The following TRABD2A variants were observed in gnomAD, a reference collection of about 807,000 sequenced individuals.
TRABD2A encodes TraB domain containing 2A, also known as metalloprotease TIKI1.
Under a neutral mutation model 45.6 loss-of-function variants are expected in TRABD2A, and 43 were observed. That is an observed-to-expected ratio of 0.94 (90% CI 0.74 to 1.22). TRABD2A has a LOEUF of 1.22. Among genes scored for constraint, TRABD2A ranks in the 50% most tolerant of loss-of-function variants. TRABD2A has a pLI of 0.00. For missense variants in TRABD2A, 642 were observed against 652.4 expected, an observed-to-expected ratio of 0.98 and a Z score of 0.17; for synonymous variants, 269 against 265.0, an observed-to-expected ratio of 1.02 and a Z score of -0.15.
intron 2 of TRABD2A, among the ~76,000 whole-genome samples, chr2:84,853,280 T>C (rs925996011): frequency 9.3e-5 from 14 of 150,382 alleles, no homozygotes; most frequent in Non-Finnish European, 1.8e-4. Context: ...CAAGACTGGG[T>C]AATTTATAAA....
At chr2:84,853,765 A>C (rs1269875464) in intron 2 of TRABD2A, among the ~76,000 whole-genome samples, 4 of 152,248 alleles carry the variant, frequency 2.6e-5, no homozygotes, top group Non-Finnish European at 5.9e-5. Flanking sequence ...GCAGTGGCTT[A>C]CGCCTATAAT....
chr2:84,856,069 G>A (rs1271011553), intron 2 of TRABD2A, among the ~76,000 whole-genome samples: 1 of 152,188 alleles, frequency 6.6e-6, no homozygotes, highest in Admixed American at 6.5e-5. Context: ...TCACCTTCTG[G>A]AGTGTGGAGT....
At chr2:84,823,278 C>T (rs1237853396) in intron 6 of TRABD2A, among the ~76,000 whole-genome samples, 1 of 152,162 alleles carries the variant, frequency 6.6e-6, no homozygotes, top group African/African-American at 2.4e-5. Flanking sequence ...TGCAGATTAT[C>T]TATTCAAAAA....
Position 84,832,109 on chromosome 2 carries a change from A to G in TRABD2A, c.1028T>C (p.Leu343Ser), listed in dbSNP as rs1017937797. 1.9e-6 allele frequency: 3 copies of G among 1,613,890 alleles called. No homozygotes were observed. The African/African-American group carries it at 4.0e-5, about 22-fold the overall frequency. The change falls in exon 5 of 7, where the codon TTG becomes TCG. Residue 343 changes from leucine (L) to serine (S), a missense_variant. Physicochemically the swap from Leu to Ser is moderately radical, Grantham distance 145. Coordinates refer to ENST00000409520, the MANE Select transcript of TRABD2A (RefSeq NM_001277053.2). Reference protein sequence around the residue: ...FMGNNTVLDVLRREGYEVEHA... With the variant: ...FMGNNTVLDVSRREGYEVEHA... The stretch of plus-strand genomic sequence containing the variant: ...TTCTACCTCATAGCCTTCACGCCGC[A>G]AAACATCCAGCACTGTGTTGTTGCC...
Position 84,864,194 on chromosome 2 carries a change from T to C in TRABD2A, c.669+6031A>G, listed in dbSNP as rs1452029315. 2.0e-5 allele frequency among the ~76,000 whole-genome samples: 3 copies of C among 152,268 alleles called. No individual in the cohort carries two copies. In the East Asian group the frequency reaches 5.8e-4, roughly 29 times the overall value. ...CCGAGCTAAGGAATCCAGAGATTCA[T>C]TCCTTGTCTATAAGGAACATGTGAA... On this transcript the variant is annotated intron_variant, in intron 2 of 6. Transcript: ENST00000409520.
At chr2:84,848,675 A>G (rs1283165892) in intron 2 of TRABD2A, among the ~76,000 whole-genome samples, 7 of 151,778 alleles carry the variant, frequency 4.6e-5, no homozygotes, top group African/African-American at 1.7e-4. Context: ...TCCCAGATTC[A>G]AGCGATTCTT....
chr2:84,872,938 A>G (rs779168529), intron 1 of TRABD2A, among the ~76,000 whole-genome samples: 2 of 151,328 alleles, frequency 1.3e-5, no homozygotes, highest in Non-Finnish European at 2.9e-5. Context: ...AACATGGTGA[A>G]ACCGTGTCTC....
intron 2 of TRABD2A, among the ~76,000 whole-genome samples, chr2:84,845,518 G>A (rs1681857785): frequency 6.6e-6 from 1 of 151,690 alleles, no homozygotes; most frequent in Admixed American, 6.6e-5. Flanking sequence ...CTGGCCCTGT[G>A]GTCCTCAAGG....
In TRABD2A at chr2:84,821,880, C is replaced by CCGAGGGGT; in HGVS notation, c.*29_*36dup. ...GTACAGGAATGGCCATTCTTCAAGT[C>CCGAGGGGT]CGAGGGGTCAGGTTCTTAGCCTGGT... On this transcript the variant is annotated 3_prime_UTR_variant, in exon 7 of 7. Transcript: ENST00000409520. 1 of 1,512,962 alleles carries CCGAGGGGT rather than the reference C, an allele frequency of 6.6e-7. No individual in the cohort carries two copies. Among genetic ancestry groups the CCGAGGGGT allele is most frequent in the South Asian group, 1.4e-5 (1 of 73,776 alleles). 93.7% of individuals were successfully genotyped at this position (1,512,962 alleles called of 1,614,324 possible).
intron 2 of TRABD2A, among the ~76,000 whole-genome samples, chr2:84,855,116 CAA>C (rs1682230805): frequency 6.6e-6 from 1 of 152,108 alleles, no homozygotes; most frequent in Non-Finnish European, 1.5e-5. Context: ...GCTTTACATT[CAA>C]AGAGTACATC....
chr2:84,847,644 C>T (rs1681942476), intron 2 of TRABD2A, among the ~76,000 whole-genome samples: 1 of 152,182 alleles, frequency 6.6e-6, no homozygotes, highest in South Asian at 2.1e-4. Context: ...CTGGATGGAT[C>T]CACCCGGCCA....
At chr2:84,845,569 G>GT (rs1559089695) in intron 2 of TRABD2A, among the ~76,000 whole-genome samples, 2 of 150,680 alleles carry the variant, frequency 1.3e-5, no homozygotes, top group Non-Finnish European at 2.9e-5. Context: ...GGAGACAAGG[G>GT]CGGGGGAAGA....
intron 6 of TRABD2A, among the ~76,000 whole-genome samples, chr2:84,822,954 C>T (rs2105368161): frequency 6.6e-6 from 1 of 152,330 alleles, no homozygotes; most frequent in South Asian, 2.1e-4. Context: ...CGCAATCGTT[C>T]CCTCCAACCA....
chr2:84,831,846 A>G (rs901363578), intron 5 of TRABD2A, among the ~76,000 whole-genome samples: 2 of 152,136 alleles, frequency 1.3e-5, no homozygotes, highest in Admixed American at 1.3e-4. Flanking sequence ...TGCAGCCCAA[A>G]GTGTCCATCC....
At chr2:84,833,054 G>C (rs1012788078) in intron 4 of TRABD2A, 2 of 152,196 alleles carry the variant, frequency 1.3e-5, no homozygotes, top group Non-Finnish European at 2.9e-5. Flanking sequence ...AATAGGCCCC[G>C]AGAAGGAAGC....
intron 2 of TRABD2A, among the ~76,000 whole-genome samples, chr2:84,847,776 T>C (rs148651358): frequency 1.6e-4 from 24 of 152,326 alleles, no homozygotes; most frequent in African/African-American, 5.3e-4. Context: ...ATACCACAAA[T>C]TGAGTAGCTT....
At chr2:84,870,101 G>T in intron 2 of TRABD2A, 124 bp downstream of exon 2, 2 of 1,015,156 alleles carry the variant, frequency 2.0e-6, no homozygotes, top group Non-Finnish European at 2.9e-6. Context: ...CCCCGGAAAA[G>T]CATTTTTAAG....
At chr2:84,829,128 C>T (rs774333101) in intron 5 of TRABD2A, among the ~76,000 whole-genome samples, 2 of 152,098 alleles carry the variant, frequency 1.3e-5, no homozygotes, top group Admixed American at 1.3e-4. Context: ...GAACACTTCC[C>T]TTGCGGGCTG....
At chr2:84,880,259 G>A (rs1471374913) in intron 1 of TRABD2A, among the ~76,000 whole-genome samples, 1 of 152,286 alleles carries the variant, frequency 6.6e-6, no homozygotes. Flanking sequence ...GACTCGGGCA[G>A]GTCACTGAGC....
Sources: allele counts gnomAD v4.1 joint callset (sites outside exome capture counted in the v4.1 genomes callset), GRCh38; gene constraint gnomAD v4.1.1; transcripts MANE v1.5; gene names NCBI Gene and HGNC (gene_info 2026-07-23, HGNC 2026-07-21).